Variants in ZDHHC4 observed in about 807,000 individuals in gnomAD.
ZDHHC4 encodes the protein palmitoyltransferase ZDHHC4.
In ZDHHC4, 42 loss-of-function variants were observed where a neutral mutation model predicts 36.7. That is an observed-to-expected ratio of 1.14 (90% CI 0.89 to 1.48). The LOEUF (loss-of-function observed/expected upper bound fraction) is 1.48. Among genes scored for constraint, ZDHHC4 ranks in the 40% most tolerant of loss-of-function variants. The pLI is 0.00. For synonymous variants in ZDHHC4, 189 were observed against 166.6 expected, an observed-to-expected ratio of 1.13 and a Z score of -1.03; for missense variants, 457 against 421.5, an observed-to-expected ratio of 1.08 and a Z score of -0.74.
intron 6 of ZDHHC4, 52 bp from the exon 7 acceptor site, chr7:6,584,964 T>A (rs1388713292): frequency 1.3e-5 from 21 of 1,605,164 alleles, no homozygotes; most frequent in Non-Finnish European, 1.8e-5. Context: ...GTGTGCGGTG[T>A]CCTTGTCTCG....
In ZDHHC4 at chr7:6,585,197, C is replaced by T. The variant is rs979777702; in HGVS notation, c.678C>T (p.Tyr226=). The T allele has an allele frequency of 6.2e-7, 1 of 1,614,030 alleles. No homozygotes were observed. The highest frequency in any genetic ancestry group is 8.5e-7 in the Non-Finnish European group (1 of 1,180,034). Residue 226 remains tyrosine, a synonymous_variant, in exon 7 of 8, where the codon TAC becomes TAT. Transcript: ENST00000335965. ...ACTTGGTGGTGATGTCAGATTTATA[C>T]CAGGAGACTTACATCGATGACCTTG... ...LVHLVVMSDL[Y]QETYIDDLGH... is the part of the protein sequence containing the mutation.
At chr7:6,578,543 G>C (rs1397750065) in intron 1 of ZDHHC4, 23 bp from the exon 2 acceptor site, 1 of 152,222 alleles carries the variant, frequency 6.6e-6, no homozygotes, top group Non-Finnish European at 1.5e-5. Flanking sequence ...TTATGTGGGT[G>C]TTGAATTGAT....
chr7:6,579,335 G>T (rs1483684340), intron 2 of ZDHHC4, among the ~76,000 whole-genome samples: 1 of 151,930 alleles, frequency 6.6e-6, no homozygotes, highest in Non-Finnish European at 1.5e-5. Flanking sequence ...TGAGTCGCTG[G>T]GATTACAGGC....
At chr7:6,583,131 G>C (rs1365535585) in intron 5 of ZDHHC4, among the ~76,000 whole-genome samples, 175 bp from the exon 6 acceptor site, 1 of 151,546 alleles carries the variant, frequency 6.6e-6, no homozygotes, top group Non-Finnish European at 1.5e-5. Flanking sequence ...AGTGAGCCAA[G>C]ATCATGCCAC....
chr7:6,585,900 C>T (rs895595260), intron 7 of ZDHHC4, among the ~76,000 whole-genome samples: 11 of 152,172 alleles, frequency 7.2e-5, no homozygotes, highest in African/African-American at 2.6e-4. Flanking sequence ...GCTGTAATCC[C>T]AGCACTTTGG....
At chr7:6,588,562 TC>T in intron 7 of ZDHHC4, 54 bp from the exon 8 acceptor site, 4 of 1,578,944 alleles carry the variant, frequency 2.5e-6, no homozygotes, top group Non-Finnish European at 3.5e-6. Context: ...CAGTGTTCAC[TC>T]TCATGGATGT....
At chr7:6,582,538 G>C (rs1780932723) in intron 5 of ZDHHC4, among the ~76,000 whole-genome samples, 1 of 151,928 alleles carries the variant, frequency 6.6e-6, no homozygotes, top group Admixed American at 6.6e-5. Flanking sequence ...TGTTTCTTAA[G>C]ACGGAGTCAC....
chr7:6,577,828 G>A (rs1051651924), intron 1 of ZDHHC4: 3 of 152,096 alleles, frequency 2.0e-5, no homozygotes, highest in Admixed American at 6.6e-5. Flanking sequence ...TTCTCACAAA[G>A]TCTTTATTAT....
At chr7:6,584,357 A>C (rs183464801) in intron 6 of ZDHHC4, 1 of 152,384 alleles carries the variant, frequency 6.6e-6, no homozygotes, top group Non-Finnish European at 1.5e-5. Flanking sequence ...TTACATGTGC[A>C]AGCTATATCC....
In ZDHHC4 at chr7:6,583,617, T is replaced by C. The variant is rs560161572; in HGVS notation, c.496+186T>C. On this transcript the variant is annotated intron_variant, in intron 6 of 7. Coordinates refer to ENST00000335965, the MANE Select transcript of ZDHHC4 (RefSeq NM_001134389.2). ...GTGAGGGTCAGGTCTTGTGTTCCTGTGTAGTAGACAGTCCTCATCTCTGGG... is the reference window on the plus strand; with the variant it reads ...GTGAGGGTCAGGTCTTGTGTTCCTGCGTAGTAGACAGTCCTCATCTCTGGG... 2.8e-5 allele frequency: 21 copies of C among 738,302 alleles called. No individual in the cohort carries two copies. In the South Asian group the frequency reaches 4.5e-4, roughly 16 times the overall value. The allele number at this position is 738,302 out of a possible 1,614,324, so 45.7% of individuals were successfully genotyped here. A position where few individuals can be genotyped will look rare whatever the true frequency, so the allele number is the denominator to read the frequency against.
Position 6,589,184 on chromosome 7 carries a change from C to G in ZDHHC4, c.*274C>G, listed in dbSNP as rs929733274. 4.6e-6 allele frequency: 2 copies of G among 436,984 alleles called. No individual in the cohort carries two copies. The highest frequency in any genetic ancestry group is 2.4e-5 in the South Asian group (1 of 40,954). The allele number at this position is 436,984 out of a possible 1,614,324, so 27.1% of individuals were successfully genotyped here. On this transcript the variant is annotated 3_prime_UTR_variant, in exon 8 of 8. Transcript: ENST00000335965. ...GCTGAGACCTTGGTGTCTCTAAACTCTGGGCATGTGGACAGGAGGGGCTTG... is the reference window on the plus strand; with the variant it reads ...GCTGAGACCTTGGTGTCTCTAAACTGTGGGCATGTGGACAGGAGGGGCTTG...
chr7:6,589,169 T>C lies in ZDHHC4; in HGVS notation c.*259T>C. Reference sequence around the variant, plus strand: ...GAGGTTCTAGGTGATGCTGAGACCTTGGTGTCTCTAAACTCTGGGCATGTG... The same window carrying C: ...GAGGTTCTAGGTGATGCTGAGACCTCGGTGTCTCTAAACTCTGGGCATGTG... On this transcript the variant is annotated 3_prime_UTR_variant, in exon 8 of 8. Coordinates refer to ENST00000335965, the MANE Select transcript of ZDHHC4 (RefSeq NM_001134389.2). 1 of 470,876 alleles carries C rather than the reference T, an allele frequency of 2.1e-6. No individual in the cohort carries two copies. Among genetic ancestry groups the C allele is most frequent in the Non-Finnish European group, 3.9e-6 (1 of 256,884 alleles). 29.2% of individuals were successfully genotyped at this position (470,876 alleles called of 1,614,324 possible).
At chr7:6,584,784 GCCA>G in intron 6 of ZDHHC4, 1 of 555,514 alleles carries the variant, frequency 1.8e-6, no homozygotes, top group Non-Finnish European at 3.2e-6. Flanking sequence ...GGTGCATGCC[GCCA>G]CCACCTCAGA....
chr7:6,580,618 T>C lies in ZDHHC4; in HGVS notation c.57T>C (p.Val19=). 1 of 1,614,152 alleles carries C rather than the reference T, an allele frequency of 6.2e-7. No homozygotes were observed. The highest frequency in any genetic ancestry group is 8.5e-7 in the Non-Finnish European group (1 of 1,180,022). ...FYLASVLMGL[V]LICVCSKTHS... is the part of the protein sequence containing the mutation. The stretch of plus-strand genomic sequence containing the variant: ...TGGCTTCGGTGCTGATGGGTCTTGT[T>C]CTTATCTGCGTCTGCTCGAAAACCC... Residue 19 remains valine (V), a synonymous_variant, in exon 3 of 8, where the codon GTT becomes GTC. Transcript: ENST00000335965.
At chr7:6,587,976 C>T (rs1781355566) in intron 7 of ZDHHC4, among the ~76,000 whole-genome samples, 2 of 152,230 alleles carry the variant, frequency 1.3e-5, no homozygotes, top group African/African-American at 4.8e-5. Flanking sequence ...AGCAATTCTT[C>T]TGCCTCAGCC....
chr7:6,589,097 G>C lies in ZDHHC4; in HGVS notation c.*187G>C, dbSNP rs995007430. On this transcript the variant is annotated 3_prime_UTR_variant, in exon 8 of 8. Coordinates refer to ENST00000335965, the MANE Select transcript of ZDHHC4 (RefSeq NM_001134389.2). ...CTTGCTTGTCTTCTTTTGAAACCGG[G>C]CATCTCTGAAGTCCTGGTGTCAAGG... is the stretch of plus-strand genomic sequence containing the variant. 7 of 686,204 alleles carry C rather than the reference G, an allele frequency of 1.0e-5. No individual in the cohort carries two copies. Among genetic ancestry groups the C allele is most frequent in the Middle Eastern group, 4.2e-4 (1 of 2,404 alleles). The allele number at this position is 686,204 out of a possible 1,614,324, so 42.5% of individuals were successfully genotyped here. A position where few individuals can be genotyped will look rare whatever the true frequency, so the allele number is the denominator to read the frequency against.
Position 6,588,889 on chromosome 7 carries a change from T to A in ZDHHC4, c.1014T>A (p.His338Gln). Residue 338 changes from histidine (H) to glutamine (Q), a missense_variant, in exon 8 of 8, where the codon CAT becomes CAA. Transcript: ENST00000335965. ...QEIFLPAFPC[H>Q]ERKKQE ...TCTTTCTACCTGCCTTTCCATGTCA[T>A]GAGAGGAAGAAACAAGAATGACAAG... The A allele has an allele frequency of 6.2e-7, 1 of 1,607,252 alleles. No homozygotes were observed. The highest frequency in any genetic ancestry group is 1.3e-5 in the African/African-American group (1 of 74,922).
At chr7:6,584,358 A>G (rs1781076618) in intron 6 of ZDHHC4, 1 of 152,260 alleles carries the variant, frequency 6.6e-6, no homozygotes, top group African/African-American at 2.4e-5. Context: ...TACATGTGCA[A>G]GCTATATCCA....
chr7:6,580,613 C>G lies in ZDHHC4; in HGVS notation c.52C>G (p.Leu18Val). Residue 18 changes from leucine (L) to valine (V), a missense_variant, in exon 3 of 8, where the codon CTT becomes GTT. Physicochemically the swap from Leu to Val is conservative, Grantham distance 32. Coordinates refer to ENST00000335965, the MANE Select transcript of ZDHHC4 (RefSeq NM_001134389.2). ...CTACCTGGCTTCGGTGCTGATGGGT[C>G]TTGTTCTTATCTGCGTCTGCTCGAA... The part of the protein sequence containing the change: ...LFYLASVLMG[L>V]VLICVCSKTH... The G allele has an allele frequency of 6.2e-7, 1 of 1,614,098 alleles. No homozygotes were observed. Among genetic ancestry groups the G allele is most frequent in the Non-Finnish European group, 8.5e-7 (1 of 1,180,034 alleles).
Sources: gnomAD v4.1 joint callset for allele counts (sites outside exome capture counted in the v4.1 genomes callset) on GRCh38, gnomAD v4.1.1 for gene constraint, MANE v1.5 for transcripts, NCBI Gene and HGNC (gene_info 2026-07-23, HGNC 2026-07-21) for gene names.